CCNK: variants seen among roughly 807,000 people sequenced by gnomAD.
CCNK encodes cyclin K, also known as cyclin-K.
A neutral mutation model predicts 65.0 loss-of-function variants in CCNK; 9 were observed. The ratio of observed to expected loss-of-function variants is 0.14; its 90% CI spans 0.08 to 0.24. The LOEUF (loss-of-function observed/expected upper bound fraction) is 0.24, where lower values mean the gene tolerates loss of function less well. CCNK is among the 10% of genes least tolerant of loss of function. The probability of loss-of-function intolerance (pLI) is 1.00; values close to 1 mark genes in which losing one functional copy is unlikely to be tolerated. For missense variants in CCNK, 474 were observed against 720.0 expected, an observed-to-expected ratio of 0.66 and a Z score of 3.91; for synonymous variants, 279 against 270.8, an observed-to-expected ratio of 1.03 and a Z score of -0.30.
chr14:99,502,855 T>C lies in CCNK; in HGVS notation c.882T>C (p.Ser294=). ...QVPQVQQSQP[S]QSSEPSQPQQ... ...CGCAAGTACAGCAGTCACAGCCGTC[T>C]CAAAGCTCCGAACCATCCCAGCCCC... The change falls in exon 8 of 11, where the codon TCT becomes TCC. Residue 294 remains serine (S), a synonymous_variant. Transcript: ENST00000389879. 6.2e-7 allele frequency: 1 copy of C among 1,613,194 alleles called. No individual in the cohort carries two copies. Among genetic ancestry groups the C allele is most frequent in the Non-Finnish European group, 8.5e-7 (1 of 1,179,570 alleles).
Position 99,503,663 on chromosome 14 carries a change from G to GT in CCNK, c.1045+26dup. The GT allele has an allele frequency of 2.6e-6, 4 of 1,547,732 alleles. No homozygotes were observed. Among genetic ancestry groups the GT allele is most frequent in the Non-Finnish European group, 3.5e-6 (4 of 1,143,830 alleles). ...GCAGCAGGTAATTTCCTGTTCTGAT[G>GT]TTTTTTTAGTTTTATGTGTTTATAT... On this transcript the variant is annotated intron_variant, in intron 9 of 10. Coordinates refer to ENST00000389879, the MANE Select transcript of CCNK (RefSeq NM_001099402.2).
chr14:99,496,836 C>T (rs1254238008), intron 4 of CCNK, among the ~76,000 whole-genome samples: 1 of 151,418 alleles, frequency 6.6e-6, no homozygotes, highest in Non-Finnish European at 1.5e-5. Flanking sequence ...TTGCTTAAGC[C>T]TGGGAGGCAG....
At position 99,492,722 on chromosome 14, in the gene CCNK, A is replaced by C. The variant is rs1896621137; in HGVS notation, c.45A>C (p.Ala15=). ...KENSSPSVTS[A]NLDHTKPCWY... ...ATTCAAGCCCTTCAGTAACTTCAGC[A>C]AACCTGGACCACACAAAGCCATGTT... is the stretch of plus-strand genomic sequence containing the variant. The change falls in exon 2 of 11, where the codon GCA becomes GCC. Residue 15 remains alanine (A), a synonymous_variant. Coordinates refer to ENST00000389879, the MANE Select transcript of CCNK (RefSeq NM_001099402.2). 1 of 1,611,536 alleles carries C rather than the reference A, an allele frequency of 6.2e-7. No homozygotes were observed. The highest frequency in any genetic ancestry group is 8.5e-7 in the Non-Finnish European group (1 of 1,179,288).
chr14:99,489,932 G>T (rs778638575), intron 1 of CCNK, among the ~76,000 whole-genome samples: 5 of 152,150 alleles, frequency 3.3e-5, no homozygotes, highest in African/African-American at 4.8e-5. Flanking sequence ...TTAACAAAAT[G>T]ATTCCAAATA....
At chr14:99,482,006 A>G (rs940725595) in intron 1 of CCNK, among the ~76,000 whole-genome samples, 8 of 152,164 alleles carry the variant, frequency 5.3e-5, no homozygotes, top group South Asian at 2.1e-4. Flanking sequence ...TTGCCCAGAC[A>G]TCGTCTTTAC....
intron 8 of CCNK, 117 bp from the exon 9 acceptor site, chr14:99,503,494 G>T: frequency 1.2e-6 from 1 of 802,346 alleles, no homozygotes; most frequent in Non-Finnish European, 2.0e-6. Context: ...AATAATTTTT[G>T]TCCGAGGCTG....
In CCNK at chr14:99,492,764, A is replaced by C; in HGVS notation, c.87A>C (p.Lys29Asn). ...HTKPCWYWDK[K>N]DLAHTPSQLE... is the part of the protein sequence containing the mutation. ...AGCCATGTTGGTACTGGGATAAGAA[A>C]GACTTGGCTCATACACCCTCACAAC... Residue 29 changes from lysine to asparagine, a missense_variant, in exon 2 of 11, where the codon AAA (lysine) becomes AAC (asparagine). Physicochemically the swap from Lys to Asn is moderately conservative, Grantham distance 94. Coordinates refer to ENST00000389879, the MANE Select transcript of CCNK (RefSeq NM_001099402.2). 1 of 1,613,458 alleles carries C rather than the reference A, an allele frequency of 6.2e-7. No homozygotes were observed. The highest frequency in any genetic ancestry group is 8.5e-7 in the Non-Finnish European group (1 of 1,179,748).
At chr14:99,493,200 C>G (rs1039074614) in intron 2 of CCNK, 2 of 417,114 alleles carry the variant, frequency 4.8e-6, no homozygotes, top group Non-Finnish European at 8.5e-6. Flanking sequence ...ATCTGGAGTT[C>G]GAGACCAACC....
chr14:99,501,104 C>A (rs992317284), intron 5 of CCNK: 9 of 598,784 alleles, frequency 1.5e-5, no homozygotes, highest in Non-Finnish European at 2.3e-5. Flanking sequence ...GAAAATGAGG[C>A]AGAATTTTTT....
chr14:99,492,821 GT>G lies in CCNK; in HGVS notation c.145del (p.Tyr49ThrfsTer27). On this transcript the variant is annotated frameshift_variant, in exon 2 of 11. Coordinates refer to ENST00000389879, the MANE Select transcript of CCNK (RefSeq NM_001099402.2). LOFTEE classifies it high-confidence loss of function. ...EGLDPATEAR[Y>X]RREGARFIFD... ...GACTTGATCCAGCCACCGAGGCCCG[GT>G]ACCGCCGAGAGGGCGCTCGGTTCAT... is the stretch of plus-strand genomic sequence containing the variant. 1 of 1,611,340 alleles carries G rather than the reference GT, an allele frequency of 6.2e-7. No homozygotes were observed. The highest frequency in any genetic ancestry group is 1.3e-5 in the African/African-American group (1 of 74,726).
In CCNK at chr14:99,501,181, A is replaced by C. The variant is rs547857760; in HGVS notation, c.518-175A>C. 2.7e-5 allele frequency: 17 copies of C among 618,336 alleles called. No homozygotes were observed. The African/African-American group carries it at 2.9e-4, about 11-fold the overall frequency. 38.3% of individuals were successfully genotyped at this position (618,336 alleles called of 1,614,324 possible). ...ACATGGTGGTTCAGCGTAGGTCATG[A>C]GGAGGAAGAAGGGGTAGGATGTGGA... is the stretch of plus-strand genomic sequence containing the variant. On this transcript the variant is annotated intron_variant, in intron 5 of 10. Coordinates refer to ENST00000389879, the MANE Select transcript of CCNK (RefSeq NM_001099402.2).
intron 5 of CCNK, chr14:99,501,091 C>A: frequency 1.7e-6 from 1 of 599,206 alleles, no homozygotes; most frequent in South Asian, 2.1e-5. Flanking sequence ...ATGGGAGAGG[C>A]AGGAAAATGA....
At chr14:99,496,918 A>G (rs1252727255) in intron 4 of CCNK, among the ~76,000 whole-genome samples, 1 of 69,062 alleles carries the variant, frequency 1.4e-5, no homozygotes, top group Non-Finnish European at 2.8e-5. Flanking sequence ...ACCTCAAGAA[A>G]AAAAAAAAAT....
intron 2 of CCNK, 23 bp downstream of exon 2, chr14:99,492,897 C>A: frequency 6.4e-7 from 1 of 1,554,946 alleles, no homozygotes; most frequent in Non-Finnish European, 8.6e-7. Context: ...TCCTTGGAAT[C>A]TGTTACAGAT....
chr14:99,509,502 A>ACG (rs1243086359), intron 10 of CCNK: 61 of 143,930 alleles, frequency 4.2e-4, no homozygotes, highest in African/African-American at 1.8e-3. Context: ...CACACGCAGC[A>ACG]CGCACACACA....
intron 2 of CCNK, 178 bp downstream of exon 2, chr14:99,493,052 G>T: frequency 1.6e-6 from 1 of 643,632 alleles, no homozygotes; most frequent in Non-Finnish European, 2.5e-6. Context: ...CATTTTAAAG[G>T]TGTAGACTTA....
intron 4 of CCNK, among the ~76,000 whole-genome samples, chr14:99,497,467 A>G (rs1896726891): frequency 6.6e-6 from 1 of 152,248 alleles, no homozygotes; most frequent in Admixed American, 6.5e-5. Flanking sequence ...TGTAAGATGC[A>G]TGAAAGCAAA....
In CCNK at chr14:99,491,961, GA is replaced by G. The variant is rs1896606564; in HGVS notation, c.-52-664del. 3 of 152,194 alleles carry G rather than the reference GA, an allele frequency of 2.0e-5. 1 individual carries two copies. The highest frequency in any genetic ancestry group is 2.0e-4 in the Admixed American group (3 of 15,270). The allele number at this position is 152,194 out of a possible 1,614,324, so 9.4% of individuals were successfully genotyped here. ...TTTCTCTCAGCATGGAGCTTTTGGA[GA>G]GTGTCTTTATTCTGAGTGAAAGAAA... On this transcript the variant is annotated intron_variant, in intron 1 of 10. Transcript: ENST00000389879.
At chr14:99,501,010 A>G in intron 5 of CCNK, 139 bp downstream of exon 5, 1 of 646,930 alleles carries the variant, frequency 1.5e-6, no homozygotes, top group South Asian at 1.8e-5. Flanking sequence ...TGCTCAGTCA[A>G]TTCAGCATTG....
Sources: allele counts gnomAD v4.1 joint callset (sites outside exome capture counted in the v4.1 genomes callset), GRCh38; gene constraint gnomAD v4.1.1; transcripts MANE v1.5; gene names NCBI Gene and HGNC (gene_info 2026-07-23, HGNC 2026-07-21).